KIT: variants seen among roughly 807,000 people sequenced by gnomAD.
The protein encoded by KIT is KIT proto-oncogene, receptor tyrosine kinase.
Under a neutral mutation model 105.7 loss-of-function variants are expected in KIT, and 16 were observed. The ratio of observed to expected loss-of-function variants is 0.15; its 90% CI spans 0.10 to 0.23. KIT has a LOEUF of 0.23. KIT is among the 10% of genes least tolerant of loss of function. The pLI, the probability that KIT is intolerant of heterozygous loss-of-function variation, is 1.00. For synonymous variants in KIT, 438 were observed against 441.1 expected (o/e 0.99, Z 0.09); for missense variants, 858 against 1,213.8 (o/e 0.71, Z 4.36).
rs1314381950 is a variant in KIT, at chr4:54,738,450, T to C, written c.2824T>C (p.Cys942Arg). 1 of 1,613,970 alleles carries C rather than the reference T, an allele frequency of 6.2e-7. No individual in the cohort carries two copies. Among genetic ancestry groups the C allele is most frequent in the Non-Finnish European group, 8.5e-7 (1 of 1,179,988 alleles). The change falls in exon 21 of 21, where the codon TGC becomes CGC. Residue 942 changes from cysteine (C) to arginine (R), a missense_variant. Physicochemically the swap from Cys to Arg is radical, Grantham distance 180. Coordinates refer to ENST00000288135, the MANE Select transcript of KIT (RefSeq NM_000222.3). The part of the protein sequence containing the change: ...TNHIYSNLAN[C>R]SPNRQKPVVD... ...CCAGATTTACTCCAACTTAGCAAAC[T>C]GCAGCCCCAACCGACAGAAGCCCGT...
At chr4:54,659,270 C>T (rs1185281110) in intron 1 of KIT, among the ~76,000 whole-genome samples, 1 of 152,202 alleles carries the variant, frequency 6.6e-6, no homozygotes, top group African/African-American at 2.4e-5. Context: ...GAAGGATTTG[C>T]AGGTTGCTGG....
intron 6 of KIT, among the ~76,000 whole-genome samples, chr4:54,707,584 G>A (rs373040934): frequency 2.4e-4 from 37 of 152,218 alleles, no homozygotes; most frequent in African/African-American, 7.5e-4. Flanking sequence ...TCATGTACTC[G>A]GGATACAGCA....
At chr4:54,692,842 T>C (rs1418590098) in intron 1 of KIT, among the ~76,000 whole-genome samples, 1 of 152,210 alleles carries the variant, frequency 6.6e-6, no homozygotes, top group Non-Finnish European at 1.5e-5. Flanking sequence ...ATAATTGGAC[T>C]TATTGTCTTT....
At chr4:54,729,762 C>G (rs1262130909) in intron 14 of KIT, among the ~76,000 whole-genome samples, 1 of 152,136 alleles carries the variant, frequency 6.6e-6, no homozygotes, top group African/African-American at 2.4e-5. Context: ...ATCTGTTTCT[C>G]TTACGGTTCT....
Position 54,698,522 on chromosome 4 carries a change from C to A in KIT, c.576C>A (p.Gly192=), listed in dbSNP as rs2109674507. Residue 192 remains glycine (G), a synonymous_variant, in exon 3 of 21, where the codon GGC becomes GGA. Transcript: ENST00000288135. ...TGCATTGTTCTGTGGACCAGGAGGG[C>A]AAGTCAGTGCTGTCGGAAAAATTCA... ...LCLHCSVDQE[G]KSVLSEKFIL... The A allele has an allele frequency of 6.2e-7, 1 of 1,614,168 alleles. No individual in the cohort carries two copies. The highest frequency in any genetic ancestry group is 8.5e-7 in the Non-Finnish European group (1 of 1,180,034).
chr4:54,729,954 G>T (rs556396355), intron 14 of KIT, among the ~76,000 whole-genome samples: 1 of 152,062 alleles, frequency 6.6e-6, no homozygotes, highest in South Asian at 2.1e-4. Context: ...TCTTGCCATC[G>T]ACCTCTGGAT....
In KIT at chr4:54,691,207, C is replaced by CT. The variant is rs552302374; in HGVS notation, c.68-4302dup. Among the ~76,000 whole-genome samples the CT allele has an allele frequency of 9.9e-5, 15 of 152,142 alleles. No individual in the cohort carries two copies. In the South Asian group the frequency reaches 3.1e-3, roughly 32 times the overall value. ...TTTAGGAGCCTGTCCTGTCTTTATTCTTTCATATGTTCAGGATTGAAGAAA... is the reference window on the plus strand; with the variant it reads ...TTTAGGAGCCTGTCCTGTCTTTATTCTTTTCATATGTTCAGGATTGAAGAAA... On this transcript the variant is annotated intron_variant, in intron 1 of 20. Coordinates refer to ENST00000288135, the MANE Select transcript of KIT (RefSeq NM_000222.3).
At chr4:54,680,191 T>G (rs1327685851) in intron 1 of KIT, among the ~76,000 whole-genome samples, 1 of 152,174 alleles carries the variant, frequency 6.6e-6, no homozygotes, top group Non-Finnish European at 1.5e-5. Context: ...GTAAAACATT[T>G]CTTAAATGCC....
intron 1 of KIT, among the ~76,000 whole-genome samples, chr4:54,684,674 C>G (rs1176990975): frequency 6.6e-6 from 1 of 152,180 alleles, no homozygotes; most frequent in Admixed American, 6.5e-5. Flanking sequence ...ACCAGCCAGT[C>G]CCCACAGTTG....
Position 54,707,250 on chromosome 4 carries a change from G to T in KIT, c.1078G>T (p.Glu360Ter). The change falls in exon 6 of 21, where the codon GAA (glutamate) becomes TAA (stop). Residue 360 changes from glutamate (E) to a stop codon, truncating the protein, a stop_gained. Coordinates refer to ENST00000288135, the MANE Select transcript of KIT (RefSeq NM_000222.3). LOFTEE classifies it high-confidence loss of function. Reference protein sequence around the residue: ...YMNRTFTDKWEDYPKSENESN... With the variant: ...YMNRTFTDKW ...GAACAGAACCTTCACTGATAAATGG[G>T]AAGATTATCCCAAGTCTGAGAATGA... is the stretch of plus-strand genomic sequence containing the variant. The T allele has an allele frequency of 6.2e-7, 1 of 1,613,124 alleles. No individual in the cohort carries two copies. Among genetic ancestry groups the T allele is most frequent in the Non-Finnish European group, 8.5e-7 (1 of 1,179,128 alleles).
chr4:54,675,005 A>AT (rs138630635), intron 1 of KIT, among the ~76,000 whole-genome samples: 5,039 of 152,168 alleles, frequency 0.033, 275 homozygotes, highest in African/African-American at 0.11. Context: ...TTTTCCTCTG[A>AT]TTTTTTCCCC....
At chr4:54,720,729 T>C (rs1342186651) in intron 7 of KIT, among the ~76,000 whole-genome samples, 2 of 152,234 alleles carry the variant, frequency 1.3e-5, no homozygotes, top group African/African-American at 4.8e-5. Flanking sequence ...TGTAGTGTTA[T>C]GAGCATTAGG....
At chr4:54,681,163 G>A (rs1011131298) in intron 1 of KIT, among the ~76,000 whole-genome samples, 1 of 152,084 alleles carries the variant, frequency 6.6e-6, no homozygotes, top group Non-Finnish European at 1.5e-5. Flanking sequence ...GATGGTGAGG[G>A]CCTTGTTCTG....
chr4:54,726,148 C>A, intron 9 of KIT, 98 bp downstream of exon 9: 2 of 967,452 alleles, frequency 2.1e-6, no homozygotes, highest in Non-Finnish European at 3.3e-6. Context: ...CATGTCATTT[C>A]TGGTAATACA....
At chr4:54,722,925 T>G (rs1422580921) in intron 7 of KIT, among the ~76,000 whole-genome samples, 1 of 143,988 alleles carries the variant, frequency 6.9e-6, no homozygotes, top group Non-Finnish European at 1.5e-5. Flanking sequence ...TATACATAAA[T>G]ATATAAATCT....
intron 20 of KIT, 129 bp from the exon 21 acceptor site, chr4:54,738,300 G>A: frequency 8.6e-7 from 1 of 1,165,820 alleles, no homozygotes; most frequent in Non-Finnish European, 1.3e-6. Context: ...TGGCCACAAA[G>A]TTCTTGGAAA....
intron 16 of KIT, 104 bp from the exon 17 acceptor site, chr4:54,732,966 A>T (rs1573615): frequency 8.2e-6 from 8 of 976,284 alleles, no homozygotes; most frequent in Non-Finnish European, 1.2e-5. Context: ...AAAGTATTGG[A>T]TTTTTTATAA....
chr4:54,733,877 G>A (rs539169562), intron 17 of KIT, among the ~76,000 whole-genome samples: 164 of 152,056 alleles, frequency 1.1e-3, no homozygotes, highest in Non-Finnish European at 2.0e-3. Flanking sequence ...GCATCCCATC[G>A]CCATGGAAAA....
At chr4:54,661,269 A>AT (rs556353100) in intron 1 of KIT, among the ~76,000 whole-genome samples, 2 of 152,162 alleles carry the variant, frequency 1.3e-5, no homozygotes, top group South Asian at 4.1e-4. Context: ...ATCCAAAGCC[A>AT]TTTTTTCTCC....
Sources: gnomAD v4.1 joint callset for allele counts (sites outside exome capture counted in the v4.1 genomes callset) on GRCh38, gnomAD v4.1.1 for gene constraint, MANE v1.5 for transcripts, NCBI Gene and HGNC (gene_info 2026-07-23, HGNC 2026-07-21) for gene names.